Variants in LMAN2L observed in about 807,000 individuals in gnomAD.
The protein encoded by LMAN2L is lectin, mannose binding 2 like.
Under a neutral mutation model 44.3 loss-of-function variants are expected in LMAN2L, and 30 were observed. The ratio of observed to expected loss-of-function variants is 0.68; its 90% confidence interval spans 0.51 to 0.92. The LOEUF (loss-of-function observed/expected upper bound fraction) is 0.92, where lower values mean the gene tolerates loss of function less well. LMAN2L is among the 40% of genes least tolerant of loss of function. LMAN2L has a pLI of 0.00. For missense variants in LMAN2L, 429 were observed against 446.1 expected (o/e 0.96, Z 0.35); for synonymous variants, 183 against 171.1 (o/e 1.07, Z -0.54).
Position 96,706,336 on chromosome 2 carries a change from A to G in LMAN2L, c.*920T>C, listed in dbSNP as rs546395139. ...ATTCCAAAAATCGTAACTACAAAAC[A>G]TGCAGCTAAGCAGGCTCTAGCAAGT... On this transcript the variant is annotated 3_prime_UTR_variant, in exon 8 of 8. Transcript: ENST00000264963. 6.6e-6 allele frequency: 1 copy of G among 152,380 alleles called. No homozygotes were observed. Among genetic ancestry groups the G allele is most frequent in the East Asian group, 1.9e-4 (1 of 5,194 alleles). 9.4% of individuals were successfully genotyped at this position (152,380 alleles called of 1,614,324 possible).
At chr2:96,722,382 G>C (rs892133002) in intron 4 of LMAN2L, among the ~76,000 whole-genome samples, 2 of 151,774 alleles carry the variant, frequency 1.3e-5, no homozygotes, top group African/African-American at 4.8e-5. Context: ...CAACTAGATA[G>C]TCCCATCTGG....
At chr2:96,725,045 A>G (rs1350630643) in intron 4 of LMAN2L, among the ~76,000 whole-genome samples, 2 of 151,752 alleles carry the variant, frequency 1.3e-5, no homozygotes, top group Non-Finnish European at 2.9e-5. Flanking sequence ...GTTACCCAGG[A>G]TGGTCTCGAT....
At chr2:96,738,873 T>C (rs2078573526) in intron 1 of LMAN2L, among the ~76,000 whole-genome samples, 1 of 152,076 alleles carries the variant, frequency 6.6e-6, no homozygotes, top group African/African-American at 2.4e-5. Context: ...CCTGAGTAGC[T>C]GGGACTACAG....
At chr2:96,729,467 C>T (rs897405817) in intron 4 of LMAN2L, among the ~76,000 whole-genome samples, 2 of 151,878 alleles carry the variant, frequency 1.3e-5, no homozygotes, top group Non-Finnish European at 2.9e-5. Flanking sequence ...ACCTGGCACA[C>T]AGCAGCCATC....
intron 2 of LMAN2L, chr2:96,737,043 A>G (rs1435268062): frequency 2.5e-6 from 1 of 398,464 alleles, no homozygotes; most frequent in Non-Finnish European, 4.9e-6. Flanking sequence ...AATTCCAGAG[A>G]AAGTATCAAA....
At chr2:96,721,804 T>C (rs920832999) in intron 4 of LMAN2L, among the ~76,000 whole-genome samples, 88 of 151,886 alleles carry the variant, frequency 5.8e-4, no homozygotes, top group Non-Finnish European at 4.7e-4. Context: ...TGCTGATATT[T>C]CCATTATAAC....
intron 7 of LMAN2L, 33 bp from the exon 8 acceptor site, chr2:96,707,431 CAG>C: frequency 6.3e-7 from 1 of 1,591,718 alleles, no homozygotes; most frequent in Non-Finnish European, 8.6e-7. Context: ...AGTCAGAAAA[CAG>C]GGAGCCCACC....
chr2:96,708,788 T>A (rs1463077785), intron 6 of LMAN2L, among the ~76,000 whole-genome samples: 1 of 151,856 alleles, frequency 6.6e-6, no homozygotes, highest in Non-Finnish European at 1.5e-5. Flanking sequence ...ACTCTTAATC[T>A]CCCTAATAAT....
At chr2:96,717,361 A>G (rs1315627673) in intron 4 of LMAN2L, among the ~76,000 whole-genome samples, 1 of 151,880 alleles carries the variant, frequency 6.6e-6, no homozygotes, top group Non-Finnish European at 1.5e-5. Context: ...GCAACATGGC[A>G]AAACCCCATC....
At position 96,733,595 on chromosome 2, in the gene LMAN2L, A is replaced by G; in HGVS notation, c.431T>C (p.Val144Ala). 6.2e-7 allele frequency: 1 copy of G among 1,612,972 alleles called. No individual in the cohort carries two copies. The highest frequency in any genetic ancestry group is 8.5e-7 in the Non-Finnish European group (1 of 1,178,954). The change falls in exon 4 of 8, where the codon GTG (valine) becomes GCG (alanine). Residue 144 changes from valine (V) to alanine (A), a missense_variant. Physicochemically the swap from Val to Ala is moderately conservative, Grantham distance 64. Transcript: ENST00000264963. ...CACAAATTTGTCCATGTTTCCAAAC[A>G]CAGGCCCTAGAGAGAGAGAACAGAT... is the stretch of plus-strand genomic sequence containing the variant. The part of the protein sequence containing the change: ...YTKDRMQPGP[V>A]FGNMDKFVGL...
At chr2:96,729,717 A>G (rs2078353448) in intron 4 of LMAN2L, among the ~76,000 whole-genome samples, 1 of 152,112 alleles carries the variant, frequency 6.6e-6, no homozygotes, top group African/African-American at 2.4e-5. Context: ...TATGTTGGCC[A>G]GGCTGGTCTC....
In LMAN2L at chr2:96,729,797, C is replaced by T. The variant is rs546130133; in HGVS notation, c.507+3722G>A. Among the ~76,000 whole-genome samples, 4 of 152,180 alleles carry T rather than the reference C, an allele frequency of 2.6e-5. No individual in the cohort carries two copies. In the East Asian group the frequency reaches 5.8e-4, roughly 22 times the overall value. The stretch of plus-strand genomic sequence containing the variant: ...CTGGGATTACGGGTGTGAGCCACCG[C>T]GCCCGGCCTTAAATTTAGTTTTATA... On this transcript the variant is annotated intron_variant, in intron 4 of 7. Transcript: ENST00000264963.
At chr2:96,710,148 C>G (rs922436545) in intron 6 of LMAN2L, among the ~76,000 whole-genome samples, 2 of 152,252 alleles carry the variant, frequency 1.3e-5, no homozygotes, top group African/African-American at 4.8e-5. Flanking sequence ...CAATGGTTGC[C>G]TGGAATCCAA....
chr2:96,725,912 T>C (rs2078260718), intron 4 of LMAN2L, among the ~76,000 whole-genome samples: 1 of 151,426 alleles, frequency 6.6e-6, no homozygotes, highest in Admixed American at 6.6e-5. Flanking sequence ...AGGCAGGTGA[T>C]CATGAGGTCA....
chr2:96,712,676 T>G (rs1236062324), intron 4 of LMAN2L, among the ~76,000 whole-genome samples: 1 of 152,198 alleles, frequency 6.6e-6, no homozygotes, highest in African/African-American at 2.4e-5. Flanking sequence ...CCAGCCCACT[T>G]AAGCCTCCTC....
At chr2:96,715,100 A>G (rs1016979422) in intron 4 of LMAN2L, among the ~76,000 whole-genome samples, 8 of 152,102 alleles carry the variant, frequency 5.3e-5, no homozygotes, top group African/African-American at 1.7e-4. Flanking sequence ...CACCATGCCC[A>G]GCTAATTTTT....
chr2:96,719,620 G>C (rs2078109622), intron 4 of LMAN2L, among the ~76,000 whole-genome samples: 1 of 151,802 alleles, frequency 6.6e-6, no homozygotes, highest in African/African-American at 2.4e-5. Flanking sequence ...TTTTGACACA[G>C]AGTCTCACTC....
chr2:96,727,605 GATTTTCCCAAT>G (rs1210800408), intron 4 of LMAN2L, among the ~76,000 whole-genome samples: 1 of 152,218 alleles, frequency 6.6e-6, no homozygotes, highest in Non-Finnish European at 1.5e-5. Context: ...TGGTTGCTAT[GATTTTCCCAAT>G]ATTTTCTCAT....
intron 4 of LMAN2L, among the ~76,000 whole-genome samples, chr2:96,721,829 T>G (rs1168545895): frequency 6.6e-6 from 1 of 152,146 alleles, no homozygotes; most frequent in East Asian, 1.9e-4. Context: ...TATCACATTT[T>G]GTTTATCCTC....
Sources: gnomAD v4.1 joint callset for allele counts (sites outside exome capture counted in the v4.1 genomes callset) on GRCh38, gnomAD v4.1.1 for gene constraint, MANE v1.5 for transcripts, NCBI Gene and HGNC (gene_info 2026-07-23, HGNC 2026-07-21) for gene names.